AARS1: variants seen among roughly 807,000 people sequenced by gnomAD.
AARS1 encodes alanine--tRNA ligase, cytoplasmic.
AARS1 carries 72 observed loss-of-function variants against 108.9 expected under a neutral mutation model. That is an observed-to-expected ratio of 0.66 (90% CI 0.55 to 0.80). The LOEUF (loss-of-function observed/expected upper bound fraction) is 0.80. AARS1 is among the 30% of genes least tolerant of loss of function. The pLI is 0.00. For synonymous variants in AARS1, 489 were observed against 465.7 expected (o/e 1.05, Z -0.64); for missense variants, 1,193 against 1,233.2 (o/e 0.97, Z 0.49).
chr16:70,254,631 T>G lies in AARS1; in HGVS notation c.2390A>C (p.Asp797Ala), dbSNP rs1356550540. 1 of 1,613,582 alleles carries G rather than the reference T, an allele frequency of 6.2e-7. No homozygotes were observed. The highest frequency in any genetic ancestry group is 1.1e-5 in the South Asian group (1 of 91,064). Residue 797 changes from aspartate (D) to alanine (A), a missense_variant, in exon 17 of 21, where the codon GAC (aspartate) becomes GCC (alanine). Transcript: ENST00000261772. ...GGAAGCCGCCCCTACCTCTCCAAGGTCAGCGATCTCCCTCTGCACATCCTT... is the reference window on the plus strand; with the variant it reads ...GGAAGCCGCCCCTACCTCTCCAAGGGCAGCGATCTCCCTCTGCACATCCTT... ...PNKDVQREIA[D>A]LGEALATAVI...
At position 70,267,744 on chromosome 16, in the gene AARS1, CTCT is replaced by C. The variant is rs1960297260; in HGVS notation, c.1134_1136del (p.Glu379del). 6 of 1,614,042 alleles carry C rather than the reference CTCT, an allele frequency of 3.7e-6. No individual in the cohort carries two copies. The highest frequency in any genetic ancestry group is 5.1e-6 in the Non-Finnish European group (6 of 1,180,044). On this transcript the variant is annotated inframe_deletion, in exon 9 of 21. Transcript: ENST00000261772. ...TGCTGAGAGTCTTGAGAAACTGCAC[CTCT>C]TCTTCATTAATGATGTCCTTCACCA... is the stretch of plus-strand genomic sequence containing the variant.
chr16:70,283,577 T>A (rs575678896), intron 1 of AARS1, among the ~76,000 whole-genome samples: 1 of 151,976 alleles, frequency 6.6e-6, no homozygotes, highest in Non-Finnish European at 1.5e-5. Flanking sequence ...TCTCTAAAGA[T>A]CCCTTCAGCT....
Position 70,258,083 on chromosome 16 carries a change from G to A in AARS1, c.2127C>T (p.Asp709=). 3 of 1,614,130 alleles carry A rather than the reference G, an allele frequency of 1.9e-6. No individual in the cohort carries two copies. Among genetic ancestry groups the A allele is most frequent in the East Asian group, 2.2e-5 (1 of 44,882 alleles). ...TCAGGGAGCCAGCAGGCCCAGAGGG[G>A]TCATCCAGCAACTCGGACACCGGGA... ...IGVPVSELLD[D]PSGPAGSLTS... Residue 709 remains aspartate (D), a synonymous_variant, in exon 15 of 21, where the codon GAC becomes GAT. Coordinates refer to ENST00000261772, the MANE Select transcript of AARS1 (RefSeq NM_001605.3).
chr16:70,260,360 G>C (rs201911533), intron 13 of AARS1, among the ~76,000 whole-genome samples: 2 of 152,120 alleles, frequency 1.3e-5, no homozygotes, highest in South Asian at 2.1e-4. Context: ...CAGAGCCTCC[G>C]TATCAGCTTG....
At chr16:70,258,955 G>T in intron 14 of AARS1, 25 bp downstream of exon 14, 13 of 1,607,798 alleles carry the variant, frequency 8.1e-6, no homozygotes, top group South Asian at 1.1e-5. Context: ...GGGGAGGGGG[G>T]GCATTCAGCC....
chr16:70,274,907 AC>A (rs1453987941), intron 4 of AARS1, among the ~76,000 whole-genome samples: 2 of 151,984 alleles, frequency 1.3e-5, no homozygotes, highest in Non-Finnish European at 2.9e-5. Context: ...TTTACAACAC[AC>A]GTGTAACTTT....
At chr16:70,282,513 AG>A in intron 2 of AARS1, 106 bp downstream of exon 2, 1 of 1,364,184 alleles carries the variant, frequency 7.3e-7, no homozygotes. Context: ...AAGATCACAC[AG>A]GGAGTGACAG....
At chr16:70,255,677 G>T in intron 16 of AARS1, 51 bp downstream of exon 16, 1 of 1,520,402 alleles carries the variant, frequency 6.6e-7, no homozygotes, top group Non-Finnish European at 9.1e-7. Context: ...TCGCAGACTG[G>T]GCTCCTCTTG....
intron 9 of AARS1, 104 bp from the exon 10 acceptor site, chr16:70,265,766 AG>A: frequency 1.4e-6 from 2 of 1,458,116 alleles, no homozygotes; most frequent in Non-Finnish European, 9.5e-7. Context: ...TAAAGACACA[AG>A]GCTATCAGTA....
chr16:70,276,351 C>T (rs1960550204), intron 4 of AARS1, 135 bp downstream of exon 4: 2 of 997,478 alleles, frequency 2.0e-6, no homozygotes, highest in African/African-American at 1.6e-5. Flanking sequence ...TCTCTAGCCT[C>T]ACTCCTCCCC....
At chr16:70,256,390 T>C (rs1458516182) in intron 15 of AARS1, among the ~76,000 whole-genome samples, 1 of 152,122 alleles carries the variant, frequency 6.6e-6, no homozygotes, top group Non-Finnish European at 1.5e-5. Flanking sequence ...CCACAACCTC[T>C]GCCTCCCAGT....
At chr16:70,253,025 G>T in intron 20 of AARS1, 119 bp from the exon 21 acceptor site, 1 of 1,189,846 alleles carries the variant, frequency 8.4e-7, no homozygotes, top group Non-Finnish European at 1.2e-6. Flanking sequence ...TACTGCTGGA[G>T]GCCGAGACAG....
chr16:70,257,606 G>A (rs1960023170), intron 15 of AARS1, among the ~76,000 whole-genome samples: 1 of 152,138 alleles, frequency 6.6e-6, no homozygotes, highest in East Asian at 1.9e-4. Flanking sequence ...CTGAGACAAT[G>A]GAGCTACATT....
At position 70,255,728 on chromosome 16, in the gene AARS1, C is replaced by T. The variant is rs755001327; in HGVS notation, c.2286G>A (p.Lys762=). The T allele has an allele frequency of 6.2e-7, 1 of 1,614,054 alleles. No individual in the cohort carries two copies. The highest frequency in any genetic ancestry group is 1.1e-5 in the South Asian group (1 of 91,070). ...IVAVTGAEAQ[K]ALRKAESLKK... Reference sequence around the variant, plus strand: ...CCACAAACCAGCCTGACCTGCTCACCTTCTGGGCCTCGGCACCTGTGACAG... The same window carrying T: ...CCACAAACCAGCCTGACCTGCTCACTTTCTGGGCCTCGGCACCTGTGACAG... The change falls in exon 16 of 21, where the codon AAG becomes AAA. Residue 762 remains lysine, a splice_region_variant and synonymous_variant. Transcript: ENST00000261772.
At chr16:70,270,570 G>T (rs1187953539) in intron 5 of AARS1, among the ~76,000 whole-genome samples, 1 of 152,056 alleles carries the variant, frequency 6.6e-6, no homozygotes, top group Non-Finnish European at 1.5e-5. Context: ...CAGGCGCAGT[G>T]GCTCATGCCT....
At chr16:70,269,880 G>C (rs1237854480) in intron 6 of AARS1, 117 bp from the exon 7 acceptor site, 4 of 1,376,682 alleles carry the variant, frequency 2.9e-6, no homozygotes, top group Non-Finnish European at 4.1e-6. Flanking sequence ...GGTCTTGCCA[G>C]ATCCTATAAC....
intron 1 of AARS1, among the ~76,000 whole-genome samples, chr16:70,287,495 T>C (rs1367169875): frequency 6.6e-6 from 1 of 150,932 alleles, no homozygotes; most frequent in Non-Finnish European, 1.5e-5. Flanking sequence ...TCTGTCACTT[T>C]GGGAGGCTGA....
chr16:70,271,384 C>T (rs1236081677), intron 5 of AARS1, among the ~76,000 whole-genome samples: 5 of 151,064 alleles, frequency 3.3e-5, no homozygotes, highest in Admixed American at 1.3e-4. Context: ...CAAAATTAGC[C>T]GGGCGTGGTG....
intron 1 of AARS1, among the ~76,000 whole-genome samples, chr16:70,288,270 C>A (rs1200422184): frequency 6.6e-6 from 1 of 151,570 alleles, no homozygotes; most frequent in Admixed American, 6.6e-5. Context: ...AGTCACCACG[C>A]CCGGCTATTT....
Sources: gnomAD v4.1 joint callset for allele counts (sites outside exome capture counted in the v4.1 genomes callset) on GRCh38, gnomAD v4.1.1 for gene constraint, MANE v1.5 for transcripts, NCBI Gene and HGNC (gene_info 2026-07-23, HGNC 2026-07-21) for gene names.